Variants in CSN1S1 observed in about 807,000 individuals in gnomAD.
CSN1S1 encodes the protein casein alpha s1.
Under a neutral mutation model 49.1 loss-of-function variants are expected in CSN1S1, and 63 were observed. That is an observed-to-expected ratio of 1.28 (90% CI 1.05 to 1.58). The LOEUF (loss-of-function observed/expected upper bound fraction) is 1.58. Among genes scored for constraint, CSN1S1 ranks in the 40% most tolerant of loss-of-function variants. The pLI is 0.00. For missense variants in CSN1S1, 260 were observed against 224.7 expected (o/e 1.16, Z -1.01); for synonymous variants, 78 against 67.1 (o/e 1.16, Z -0.79).
At chr4:69,934,775 T>C in intron 4 of CSN1S1, 65 bp downstream of exon 4, 1 of 1,418,794 alleles carries the variant, frequency 7.0e-7, no homozygotes, top group Non-Finnish European at 9.9e-7. Context: ...TTAGCTGTCA[T>C]GCATGTTGAA....
chr4:69,944,435 G>A (rs1723083293), intron 14 of CSN1S1, among the ~76,000 whole-genome samples: 1 of 151,912 alleles, frequency 6.6e-6, no homozygotes, highest in Non-Finnish European at 1.5e-5. Context: ...GACCCTGGGT[G>A]CGGGGCCTGT....
At chr4:69,937,441 T>C (rs1176527034) in intron 8 of CSN1S1, among the ~76,000 whole-genome samples, 1 of 149,794 alleles carries the variant, frequency 6.7e-6, no homozygotes, top group African/African-American at 2.5e-5. Context: ...ATTAAATCAG[T>C]GCTCTCCTTT....
chr4:69,937,771 A>G, intron 8 of CSN1S1, 29 bp from the exon 9 acceptor site: 1 of 1,568,296 alleles, frequency 6.4e-7, no homozygotes, highest in African/African-American at 1.4e-5. Flanking sequence ...GTCATGAAAA[A>G]TGAAATTGAT....
At position 69,935,935 on chromosome 4, in the gene CSN1S1, T is replaced by G. The variant is rs1260649663; in HGVS notation, c.115T>G (p.Leu39Val). The G allele has an allele frequency of 6.5e-7, 1 of 1,534,512 alleles. No homozygotes were observed. The highest frequency in any genetic ancestry group is 2.4e-5 in the East Asian group (1 of 40,960). Residue 39 changes from leucine (L) to valine (V), a missense_variant, in exon 5 of 16, where the codon TTA becomes GTA. Leu to Val is a conservative substitution (Grantham distance 32). Transcript: ENST00000246891. ...ACTTTTTTTTTTGTAGCCTATACCATTAGAATCAAGAGAGGTAAGAATGAC... is the reference window on the plus strand; with the variant it reads ...ACTTTTTTTTTTGTAGCCTATACCAGTAGAATCAAGAGAGGTAAGAATGAC... ...NPSESSEPIP[L>V]ESREEYMNGM...
intron 8 of CSN1S1, among the ~76,000 whole-genome samples, chr4:69,937,482 G>C (rs1722823044): frequency 6.6e-6 from 1 of 150,814 alleles, no homozygotes; most frequent in African/African-American, 2.4e-5. Context: ...ATGAGCTTCA[G>C]TGCAGTGTCC....
At position 69,944,951 on chromosome 4, in the gene CSN1S1, C is replaced by T. The variant is rs1163227070; in HGVS notation, c.504C>T (p.Ser168=). The part of the protein sequence containing the change: ...YVPFPPFSDI[S]NPTAHENYEK... ...CTTTCCCACCGTTTTCCGACATCTC[C>T]AATCCCACTGCTCATGAAAATTATG... Residue 168 remains serine, a synonymous_variant, in exon 15 of 16, where the codon TCC becomes TCT. Transcript: ENST00000246891. 9 of 1,612,808 alleles carry T rather than the reference C, an allele frequency of 5.6e-6. No individual in the cohort carries two copies. In the South Asian group the frequency reaches 9.9e-5, roughly 18 times the overall value.
chr4:69,938,163 C>A (rs1347884656), intron 9 of CSN1S1, among the ~76,000 whole-genome samples: 2 of 151,296 alleles, frequency 1.3e-5, no homozygotes, highest in African/African-American at 2.4e-5. Flanking sequence ...AATGAGAGTC[C>A]CACAGAACAC....
chr4:69,938,732 A>C (rs940819112), intron 9 of CSN1S1, among the ~76,000 whole-genome samples: 4 of 151,760 alleles, frequency 2.6e-5, no homozygotes, highest in African/African-American at 4.8e-5. Context: ...TTTTAATTTC[A>C]TCTTAAGATT....
intron 15 of CSN1S1, among the ~76,000 whole-genome samples, chr4:69,945,717 C>T (rs1420604204): frequency 6.6e-6 from 1 of 151,872 alleles, no homozygotes. Flanking sequence ...AACCATTGAT[C>T]TTATTTTTTA....
chr4:69,940,822 C>T (rs913963318), intron 11 of CSN1S1, among the ~76,000 whole-genome samples, 197 bp from the exon 12 acceptor site: 1 of 151,676 alleles, frequency 6.6e-6, no homozygotes, highest in African/African-American at 2.4e-5. Context: ...CAAGAAGTTG[C>T]TTTTTAAAAT....
At chr4:69,933,223 T>G (rs1722665175) in intron 2 of CSN1S1, among the ~76,000 whole-genome samples, 1 of 151,986 alleles carries the variant, frequency 6.6e-6, no homozygotes, top group Admixed American at 6.6e-5. Context: ...TTTATATCAA[T>G]TAGATAAGTA....
At chr4:69,943,713 A>G (rs1339634630) in intron 14 of CSN1S1, among the ~76,000 whole-genome samples, 1 of 151,980 alleles carries the variant, frequency 6.6e-6, no homozygotes, top group Non-Finnish European at 1.5e-5. Flanking sequence ...CAAGATTGAG[A>G]GGCCAACATC....
intron 11 of CSN1S1, among the ~76,000 whole-genome samples, chr4:69,940,592 T>TA: frequency 6.6e-6 from 1 of 151,870 alleles, no homozygotes; most frequent in East Asian, 1.9e-4. Context: ...GTAAAGCAAT[T>TA]AATGTAATCC....
intron 1 of CSN1S1, among the ~76,000 whole-genome samples, chr4:69,932,164 A>G (rs1327428983): frequency 6.6e-6 from 1 of 151,940 alleles, no homozygotes; most frequent in Non-Finnish European, 1.5e-5. Flanking sequence ...ACTTTAGAAA[A>G]TCTGATTTGT....
rs1723102578 is a variant in CSN1S1 at position 69,944,860 on chromosome 4, A to G, written c.413A>G (p.Gln138Arg). 1.2e-6 allele frequency: 2 copies of G among 1,612,548 alleles called. No homozygotes were observed. Among genetic ancestry groups the G allele is most frequent in the African/African-American group, 2.7e-5 (2 of 74,826 alleles). ...TGTTTTTCCCTCTAGCCTTTCCAGC[A>G]GCTCAACCAACTTGCTGCCTACCCC... ...ENSHVQVPFQ[Q>R]LNQLAAYPYA... Residue 138 changes from glutamine (Q) to arginine (R), a missense_variant, in exon 15 of 16, where the codon CAG becomes CGG. By Grantham distance (43) the Gln-to-Arg change is conservative. Coordinates refer to ENST00000246891, the MANE Select transcript of CSN1S1 (RefSeq NM_001890.2).
intron 14 of CSN1S1, among the ~76,000 whole-genome samples, chr4:69,943,050 T>G (rs1406556850): frequency 6.6e-6 from 1 of 151,308 alleles, no homozygotes; most frequent in Non-Finnish European, 1.5e-5. Flanking sequence ...CCTCAGTTTT[T>G]TTTTTCTGAA....
chr4:69,936,631 G>C (rs1475892058), intron 7 of CSN1S1, 24 bp downstream of exon 7: 1 of 1,588,554 alleles, frequency 6.3e-7, no homozygotes, highest in Admixed American at 1.8e-5. Context: ...TCTTGAAAGA[G>C]TATGGCAAAA....
chr4:69,937,139 A>G lies in CSN1S1; in HGVS notation c.214A>G (p.Thr72Ala). 1 of 1,540,944 alleles carries G rather than the reference A, an allele frequency of 6.5e-7. No homozygotes were observed. Among genetic ancestry groups the G allele is most frequent in the Non-Finnish European group, 8.8e-7 (1 of 1,141,524 alleles). The change falls in exon 8 of 16, where the codon ACT (threonine) becomes GCT (alanine). Residue 72 changes from threonine to alanine, a missense_variant. Coordinates refer to ENST00000246891, the MANE Select transcript of CSN1S1 (RefSeq NM_001890.2). ...TTGGCAGGATACTAGGAATGAGTCT[A>G]CTCAGGTGAGACCCTTTGTTTTAAA... is the stretch of plus-strand genomic sequence containing the variant. The part of the protein sequence containing the change: ...DEIKDTRNES[T>A]QNCVVAEPEK...
intron 11 of CSN1S1, among the ~76,000 whole-genome samples, chr4:69,940,461 TAC>T (rs1722938511): frequency 6.6e-6 from 1 of 151,794 alleles, no homozygotes; most frequent in South Asian, 2.1e-4. Flanking sequence ...TAGATCTGGT[TAC>T]ACTTGAGTTC....
Sources: allele counts gnomAD v4.1 joint callset (sites outside exome capture counted in the v4.1 genomes callset), GRCh38; gene constraint gnomAD v4.1.1; transcripts MANE v1.5; gene names NCBI Gene and HGNC (gene_info 2026-07-23, HGNC 2026-07-21).